FGF3: variants seen among roughly 807,000 people sequenced by gnomAD.
FGF3 encodes the protein FGF-3.
Under a neutral mutation model 9.8 loss-of-function variants are expected in FGF3, and 7 were observed. The observed-to-expected ratio is 0.72, with a 90% CI of 0.41 to 1.35. FGF3 has a LOEUF of 1.35. Ranked by LOEUF, FGF3 falls within the 40% of genes most tolerant of loss-of-function variation. FGF3 has a pLI of 0.01. For synonymous variants in FGF3, 173 were observed against 157.2 expected (o/e 1.10, Z -0.75); for missense variants, 390 against 345.6 (o/e 1.13, Z -1.02).
At chr11:69,815,165 A>AT (rs1565115642) in intron 2 of FGF3, among the ~76,000 whole-genome samples, 3 of 86,386 alleles carry the variant, frequency 3.5e-5, no homozygotes, top group Non-Finnish European at 6.9e-5. Context: ...GTGGATGGGT[A>AT]AATGGGTGGA....
rs781807006 is a variant in FGF3 at position 69,810,594 on chromosome 11, C to G, written c.431G>C (p.Arg144Pro). The change falls in exon 3 of 3, where the codon CGC becomes CCC. Residue 144 changes from arginine (R) to proline (P), a missense_variant. Transcript: ENST00000334134. The stretch of plus-strand genomic sequence containing the variant: ...CAGTCTCTCGGCGCTGGGCTGCCGG[C>G]GGGCCCCAGGCGTACTAGACACCGT... ...YRTVSSTPGA[R>P]RQPSAERLWY... 6.2e-7 allele frequency: 1 copy of G among 1,610,856 alleles called. No homozygotes were observed. Among genetic ancestry groups the G allele is most frequent in the Non-Finnish European group, 8.5e-7 (1 of 1,178,454 alleles).
chr11:69,811,764 C>T (rs912249894), intron 2 of FGF3, among the ~76,000 whole-genome samples: 2 of 152,146 alleles, frequency 1.3e-5, no homozygotes, highest in South Asian at 4.2e-4. Context: ...CTGGGGTGTC[C>T]CACCACAAGC....
At position 69,818,778 on chromosome 11, in the gene FGF3, C is replaced by T. The variant is rs1554981395; in HGVS notation, c.156G>A (p.Thr52=). The T allele has an allele frequency of 2.0e-6, 3 of 1,497,140 alleles. No individual in the cohort carries two copies. Among genetic ancestry groups the T allele is most frequent in the Non-Finnish European group, 2.7e-6 (3 of 1,129,880 alleles). The allele number at this position is 1,497,140 out of a possible 1,614,324, so 92.7% of individuals were successfully genotyped here. ...TCGGGTGCAGCTGGAGGTGGTACTTCGTGGCGCAGTAGAGCTTGCGGCGCC... is the reference window on the plus strand; with the variant it reads ...TCGGGTGCAGCTGGAGGTGGTACTTTGTGGCGCAGTAGAGCTTGCGGCGCC... ...APRRRKLYCA[T]KYHLQLHPSG... is the part of the protein sequence containing the mutation. The change falls in exon 1 of 3, where the codon ACG becomes ACA. Residue 52 remains threonine (T), a synonymous_variant. Transcript: ENST00000334134.
chr11:69,811,683 C>A (rs1856033820), intron 2 of FGF3, among the ~76,000 whole-genome samples: 1 of 152,028 alleles, frequency 6.6e-6, no homozygotes, highest in Non-Finnish European at 1.5e-5. Context: ...AGAGCAGGGG[C>A]TGGGGCCTGG....
In FGF3 at chr11:69,818,783, C is replaced by A. The variant is rs782014417; in HGVS notation, c.151G>T (p.Ala51Ser). Residue 51 changes from alanine (A) to serine (S), a missense_variant, in exon 1 of 3, where the codon GCC becomes TCC. By Grantham distance (99) the Ala-to-Ser change is moderately conservative. Coordinates refer to ENST00000334134, the MANE Select transcript of FGF3 (RefSeq NM_005247.4). ...TGCAGCTGGAGGTGGTACTTCGTGG[C>A]GCAGTAGAGCTTGCGGCGCCGGGGC... ...GAPRRRKLYC[A>S]TKYHLQLHPS... 8 of 1,495,534 alleles carry A rather than the reference C, an allele frequency of 5.3e-6. No individual in the cohort carries two copies. Among genetic ancestry groups the A allele is most frequent in the East Asian group, 2.8e-5 (1 of 35,990 alleles). The allele number at this position is 1,495,534 out of a possible 1,614,324, so 92.6% of individuals were successfully genotyped here.
intron 2 of FGF3, among the ~76,000 whole-genome samples, chr11:69,815,653 C>G (rs1856118968): frequency 6.6e-6 from 1 of 152,160 alleles, no homozygotes; most frequent in Non-Finnish European, 1.5e-5. Context: ...TTGGAGGTAG[C>G]AAATTTCCCT....
intron 1 of FGF3, 27 bp downstream of exon 1, chr11:69,818,687 C>A: frequency 6.9e-7 from 1 of 1,447,532 alleles, no homozygotes. Context: ...CCGCTTCCCC[C>A]GGGGCCCCGC....
At chr11:69,817,633 C>A (rs1315803603) in intron 1 of FGF3, 1 of 152,258 alleles carries the variant, frequency 6.6e-6, no homozygotes, top group African/African-American at 2.4e-5. Flanking sequence ...GTCCCCAGGA[C>A]GCCCTCTCAG....
At chr11:69,810,768 C>T (rs1362767751) in intron 2 of FGF3, 68 bp from the exon 3 acceptor site, 3 of 1,411,138 alleles carry the variant, frequency 2.1e-6, no homozygotes, top group Admixed American at 4.6e-5. Flanking sequence ...CCAGGGTTGC[C>T]TGATGCCTCC....
Position 69,818,943 on chromosome 11 carries a change from G to A in FGF3, c.-10C>T, listed in dbSNP as rs1554981467. The A allele has an allele frequency of 2.7e-6, 4 of 1,455,064 alleles. No individual in the cohort carries two copies. The highest frequency in any genetic ancestry group is 3.0e-5 in the East Asian group (1 of 33,636). The allele number at this position is 1,455,064 out of a possible 1,614,324, so 90.1% of individuals were successfully genotyped here. On this transcript the variant is annotated 5_prime_UTR_variant, in exon 1 of 3. Transcript: ENST00000334134. ...GCCAGATTAGGCCCATCGTGGCATC[G>A]CGCCCGCCCCGCGGCGGCGGCGGCT...
At chr11:69,814,063 A>G (rs1856088085) in intron 2 of FGF3, among the ~76,000 whole-genome samples, 1 of 151,870 alleles carries the variant, frequency 6.6e-6, no homozygotes, top group South Asian at 2.1e-4. Context: ...GGAAAGAAGG[A>G]TGAGAGAAAG....
Position 69,816,552 on chromosome 11 carries a change from G to A in FGF3, c.221-129C>T. 3 of 695,104 alleles carry A rather than the reference G, an allele frequency of 4.3e-6. No individual in the cohort carries two copies. In the South Asian group the frequency reaches 4.7e-5, roughly 11 times the overall value. The allele number at this position is 695,104 out of a possible 1,614,324, so 43.1% of individuals were successfully genotyped here. ...AGGGTAGCACACACCCCACAGGTCGGGGAGTGAGTGGAAGTTCAGGAAGGG... is the reference window on the plus strand; with the variant it reads ...AGGGTAGCACACACCCCACAGGTCGAGGAGTGAGTGGAAGTTCAGGAAGGG... On this transcript the variant is annotated intron_variant, in intron 1 of 2. Coordinates refer to ENST00000334134, the MANE Select transcript of FGF3 (RefSeq NM_005247.4).
intron 1 of FGF3, among the ~76,000 whole-genome samples, 158 bp downstream of exon 1, chr11:69,818,556 C>T (rs1554981339): frequency 2.6e-5 from 4 of 152,072 alleles, no homozygotes. Flanking sequence ...GGGAGGCAGA[C>T]GGTCTTTTCC....
chr11:69,818,903 G>T lies in FGF3; in HGVS notation c.31C>A (p.Leu11Met). Residue 11 changes from leucine (L) to methionine (M), a missense_variant, in exon 1 of 3, where the codon CTG becomes ATG. Leu to Met is a conservative substitution (Grantham distance 15). Coordinates refer to ENST00000334134, the MANE Select transcript of FGF3 (RefSeq NM_005247.4). ...GCTGCGGGCCAGCCGGGCTCCAGCA[G>T]GCTGAGCAGTAGCAGCCAGATTAGG... MGLIWLLLLS[L>M]LEPGWPAAGP... 6.8e-7 allele frequency: 1 copy of T among 1,470,984 alleles called. No individual in the cohort carries two copies. Among genetic ancestry groups the T allele is most frequent in the South Asian group, 1.3e-5 (1 of 77,504 alleles). 91.1% of individuals were successfully genotyped at this position (1,470,984 alleles called of 1,614,324 possible).
intron 2 of FGF3, among the ~76,000 whole-genome samples, chr11:69,813,746 G>A (rs928997163): frequency 1.5e-4 from 21 of 143,896 alleles, no homozygotes; most frequent in Admixed American, 1.2e-3. Flanking sequence ...GTGGATGGCT[G>A]GATGGATGGA....
At chr11:69,816,857 C>T (rs1260836912) in intron 1 of FGF3, among the ~76,000 whole-genome samples, 10 of 152,234 alleles carry the variant, frequency 6.6e-5, no homozygotes, top group Admixed American at 6.5e-4. Flanking sequence ...TCTGGGACTG[C>T]ACGGTCCCCA....
intron 2 of FGF3, among the ~76,000 whole-genome samples, chr11:69,811,900 G>C (rs1240235470): frequency 6.6e-6 from 1 of 152,206 alleles, no homozygotes; most frequent in Non-Finnish European, 1.5e-5. Context: ...TGAACTGAAG[G>C]AGCTTACACC....
chr11:69,814,662 C>T (rs1856098305), intron 2 of FGF3, among the ~76,000 whole-genome samples: 3 of 152,074 alleles, frequency 2.0e-5, no homozygotes, highest in South Asian at 2.1e-4. Context: ...TGGCAGGTGA[C>T]GGAGTTGGCA....
chr11:69,818,798 G>A lies in FGF3; in HGVS notation c.136C>T (p.Arg46Cys). 6.7e-7 allele frequency: 1 copy of A among 1,491,658 alleles called. No individual in the cohort carries two copies. Among genetic ancestry groups the A allele is most frequent in the Non-Finnish European group, 8.9e-7 (1 of 1,127,698 alleles). 92.4% of individuals were successfully genotyped at this position (1,491,658 alleles called of 1,614,324 possible). A position where few individuals can be genotyped will look rare whatever the true frequency, so the allele number is the denominator to read the frequency against. ...TACTTCGTGGCGCAGTAGAGCTTGC[G>A]GCGCCGGGGCGCCCCGCCAAGGTGC... ...YEHLGGAPRR[R>C]KLYCATKYHL... The change falls in exon 1 of 3, where the codon CGC becomes TGC. Residue 46 changes from arginine (R) to cysteine (C), a missense_variant. Arg to Cys is a radical substitution (Grantham distance 180). Coordinates refer to ENST00000334134, the MANE Select transcript of FGF3 (RefSeq NM_005247.4).
Sources: allele counts gnomAD v4.1 joint callset (sites outside exome capture counted in the v4.1 genomes callset), GRCh38; gene constraint gnomAD v4.1.1; transcripts MANE v1.5; gene names NCBI Gene and HGNC (gene_info 2026-07-23, HGNC 2026-07-21).